Variants in F13B observed in about 807,000 individuals in gnomAD.
The protein encoded by F13B is TGase.
In F13B, 58 loss-of-function variants were observed where a neutral mutation model predicts 79.8. That is an observed-to-expected ratio of 0.73 (90% confidence interval 0.59 to 0.90). The LOEUF (loss-of-function observed/expected upper bound fraction) is 0.90, where lower values mean the gene tolerates loss of function less well. Ranked by LOEUF, F13B falls within the 40% of genes least tolerant of loss-of-function variation. The pLI, the probability that F13B is intolerant of heterozygous loss-of-function variation, is 0.00. For synonymous variants in F13B, 283 were observed against 260.3 expected (o/e 1.09, Z -0.84); for missense variants, 773 against 777.0 (o/e 0.99, Z 0.06).
At chr1:197,065,992 TTAC>T (rs869170376) in intron 1 of F13B, among the ~76,000 whole-genome samples, 10 of 88,314 alleles carry the variant, frequency 1.1e-4, no homozygotes, top group East Asian at 2.4e-3. Context: ...TTCAAGCAGC[TTAC>T]TTTTTTTTTT....
chr1:197,048,144 A>ATG (rs1248828071), intron 10 of F13B, among the ~76,000 whole-genome samples: 1 of 146,222 alleles, frequency 6.8e-6, no homozygotes, highest in African/African-American at 2.7e-5. Context: ...ATATATATAT[A>ATG]TGTGTATATA....
At chr1:197,065,585 T>C (rs914213612) in intron 1 of F13B, among the ~76,000 whole-genome samples, 1 of 152,158 alleles carries the variant, frequency 6.6e-6, no homozygotes, top group Non-Finnish European at 1.5e-5. Flanking sequence ...CTCTCAGAGA[T>C]GATATACTTC....
Position 197,061,176 on chromosome 1 carries a change from A to C in F13B, c.452-101T>G, listed in dbSNP as rs1571569100. ...TACAAATCTTAAGAATACATGGTAA[A>C]ATCAACTCTTAGCAAAATTGAAAAA... On this transcript the variant is annotated intron_variant, in intron 3 of 11. Transcript: ENST00000367412. 8 of 666,990 alleles carry C rather than the reference A, an allele frequency of 1.2e-5. No homozygotes were observed. In the East Asian group the frequency reaches 2.5e-4, roughly 21 times the overall value. 41.3% of individuals were successfully genotyped at this position (666,990 alleles called of 1,614,324 possible).
chr1:197,049,683 C>T (rs1655369527), intron 10 of F13B, among the ~76,000 whole-genome samples: 1 of 152,094 alleles, frequency 6.6e-6, no homozygotes, highest in South Asian at 2.1e-4. Context: ...AAAGACGGAA[C>T]ACTTCCCATT....
At chr1:197,041,996 G>A (rs923803960) in intron 10 of F13B, among the ~76,000 whole-genome samples, 3 of 152,150 alleles carry the variant, frequency 2.0e-5, no homozygotes, top group African/African-American at 7.2e-5. Context: ...GGGCAGGAAG[G>A]ATGGAATGGC....
At chr1:197,046,593 A>G (rs561739764) in intron 10 of F13B, among the ~76,000 whole-genome samples, 48 of 152,336 alleles carry the variant, frequency 3.2e-4, no homozygotes, top group African/African-American at 9.6e-4. Flanking sequence ...TGCCTAAGGT[A>G]ATTTATAGAT....
intron 10 of F13B, among the ~76,000 whole-genome samples, chr1:197,047,073 G>A (rs1212698094): frequency 1.3e-5 from 2 of 152,044 alleles, no homozygotes; most frequent in African/African-American, 2.4e-5. Flanking sequence ...GAAAACCTAG[G>A]CAATATCATT....
intron 9 of F13B, among the ~76,000 whole-genome samples, chr1:197,052,405 A>T (rs1655479922): frequency 6.6e-6 from 1 of 152,102 alleles, no homozygotes; most frequent in South Asian, 2.1e-4. Flanking sequence ...AATTCGACGC[A>T]GCAATTCCAT....
intron 5 of F13B, among the ~76,000 whole-genome samples, chr1:197,057,995 C>T (rs928220676): frequency 1.3e-5 from 2 of 152,158 alleles, no homozygotes; most frequent in Non-Finnish European, 2.9e-5. Context: ...ATCTTGATTG[C>T]AGCTTTGATA....
intron 9 of F13B, among the ~76,000 whole-genome samples, chr1:197,051,756 T>A (rs1655448064): frequency 6.6e-6 from 1 of 152,168 alleles, no homozygotes; most frequent in Non-Finnish European, 1.5e-5. Flanking sequence ...AGGTATAAAT[T>A]TTCTCTAAAG....
At chr1:197,048,313 C>G (rs1655309459) in intron 10 of F13B, among the ~76,000 whole-genome samples, 1 of 151,442 alleles carries the variant, frequency 6.6e-6, no homozygotes, top group East Asian at 1.9e-4. Flanking sequence ...TGTAAATAGA[C>G]TATTCCATTA....
At chr1:197,062,345 G>A (rs1192019479) in intron 2 of F13B, among the ~76,000 whole-genome samples, 1 of 152,092 alleles carries the variant, frequency 6.6e-6, no homozygotes, top group Non-Finnish European at 1.5e-5. Flanking sequence ...ATAATGAAAT[G>A]AGTCAATTAG....
In F13B at chr1:197,055,766, T is replaced by C. The variant is rs745837276; in HGVS notation, c.1303A>G (p.Lys435Glu). 9.9e-6 allele frequency: 16 copies of C among 1,613,548 alleles called. No homozygotes were observed. The East Asian group carries it at 3.6e-4, about 36-fold the overall frequency. Residue 435 changes from lysine to glutamate, a missense_variant, in exon 8 of 12, where the codon AAA becomes GAA. Physicochemically the swap from Lys to Glu is moderately conservative, Grantham distance 56. Transcript: ENST00000367412. ...CNEYYLLRGS[K>E]ISRCEQGKWS... Reference sequence around the variant, plus strand: ...TTTCCTTGTTCGCAACGAGATATTTTTGATCCCCTCAGTAAGTAATATTCA... The same window carrying C: ...TTTCCTTGTTCGCAACGAGATATTTCTGATCCCCTCAGTAAGTAATATTCA...
Position 197,061,781 on chromosome 1 carries a change from T to C in F13B, c.451+3A>G, listed in dbSNP as rs753953835. The stretch of plus-strand genomic sequence containing the variant: ...CTTCAGTTTTAGGAAATGATTCTTA[T>C]ACCATGTTCTTTCCTACAGGTTGGT... On this transcript the variant is annotated splice_donor_region_variant and intron_variant, in intron 3 of 11. Coordinates refer to ENST00000367412, the MANE Select transcript of F13B (RefSeq NM_001994.3). The C allele has an allele frequency of 3.2e-5, 51 of 1,612,100 alleles. No individual in the cohort carries two copies. Among genetic ancestry groups the C allele is most frequent in the Non-Finnish European group, 3.9e-5 (46 of 1,178,580 alleles).
chr1:197,064,110 C>A (rs1455210314), intron 1 of F13B, among the ~76,000 whole-genome samples: 1 of 152,122 alleles, frequency 6.6e-6, no homozygotes, highest in Non-Finnish European at 1.5e-5. Flanking sequence ...CCATGAGATA[C>A]TACTGCATAT....
chr1:197,049,992 C>T (rs909217051), intron 10 of F13B, among the ~76,000 whole-genome samples: 4 of 151,984 alleles, frequency 2.6e-5, no homozygotes, highest in Non-Finnish European at 4.4e-5. Flanking sequence ...AAAATACTTT[C>T]GGCAAAATAG....
chr1:197,061,581 C>T (rs17514563), intron 3 of F13B, among the ~76,000 whole-genome samples: 2 of 151,860 alleles, frequency 1.3e-5, no homozygotes, highest in African/African-American at 2.4e-5. Context: ...GAACTATTGG[C>T]GTAGGTGGGT....
At chr1:197,056,069 A>G (rs1655630917) in intron 7 of F13B, among the ~76,000 whole-genome samples, 172 bp from the exon 8 acceptor site, 1 of 152,190 alleles carries the variant, frequency 6.6e-6, no homozygotes, top group Admixed American at 6.6e-5. Flanking sequence ...TTTGCTAAGC[A>G]AGAGTTGACA....
chr1:197,054,549 A>G (rs1655564417), intron 8 of F13B, among the ~76,000 whole-genome samples: 1 of 151,818 alleles, frequency 6.6e-6, no homozygotes, highest in Admixed American at 6.6e-5. Context: ...ATTAAAAATA[A>G]TTGCAATAAA....
Sources: allele counts gnomAD v4.1 joint callset (sites outside exome capture counted in the v4.1 genomes callset), GRCh38; gene constraint gnomAD v4.1.1; transcripts MANE v1.5; gene names NCBI Gene and HGNC (gene_info 2026-07-23, HGNC 2026-07-21).